Variants in DNER observed in about 807,000 individuals in gnomAD.
DNER encodes the protein delta/notch like EGF repeat containing.
In DNER, 33 loss-of-function variants were observed where a neutral mutation model predicts 78.2. That is an observed-to-expected ratio of 0.42 (90% CI 0.32 to 0.56). DNER has a LOEUF of 0.56. Among genes scored for constraint, DNER ranks in the 20% least tolerant of loss-of-function variants. The pLI is 0.11. For missense variants in DNER, 918 were observed against 975.3 expected (o/e 0.94, Z 0.78); for synonymous variants, 417 against 384.8 (o/e 1.08, Z -0.98).
At chr2:229,704,618 A>G (rs907909093) in intron 1 of DNER, among the ~76,000 whole-genome samples, 2 of 152,250 alleles carry the variant, frequency 1.3e-5, no homozygotes, top group Non-Finnish European at 2.9e-5. Flanking sequence ...GAAAAAATGC[A>G]AAACTATAGT....
chr2:229,622,179 C>T (rs947543465), intron 1 of DNER, among the ~76,000 whole-genome samples: 4 of 152,186 alleles, frequency 2.6e-5, no homozygotes, highest in African/African-American at 9.6e-5. Flanking sequence ...GGCTATAATT[C>T]TCATCAGATT....
intron 11 of DNER, among the ~76,000 whole-genome samples, chr2:229,379,435 C>A (rs1692684430): frequency 6.6e-6 from 1 of 152,136 alleles, no homozygotes; most frequent in South Asian, 2.1e-4. Flanking sequence ...GAGCTTGAAT[C>A]TGAAGTCGAC....
intron 1 of DNER, among the ~76,000 whole-genome samples, chr2:229,644,162 T>C (rs1360375808): frequency 6.6e-6 from 1 of 152,106 alleles, no homozygotes; most frequent in East Asian, 1.9e-4. Flanking sequence ...TTAATTTTTG[T>C]GGGTACCTAG....
At chr2:229,544,170 C>T (rs1270391032) in intron 5 of DNER, among the ~76,000 whole-genome samples, 1 of 152,186 alleles carries the variant, frequency 6.6e-6, no homozygotes, top group Non-Finnish European at 1.5e-5. Flanking sequence ...CACTGAGTGT[C>T]CTTCACATTT....
intron 1 of DNER, among the ~76,000 whole-genome samples, chr2:229,636,321 G>T (rs1340097973): frequency 6.6e-6 from 1 of 152,230 alleles, no homozygotes; most frequent in African/African-American, 2.4e-5. Context: ...TGCAAGCCAA[G>T]CCAGTGGCAC....
chr2:229,534,264 T>C (rs1258642637), intron 5 of DNER, among the ~76,000 whole-genome samples: 1 of 151,414 alleles, frequency 6.6e-6, no homozygotes, highest in East Asian at 1.9e-4. Context: ...TAGATTGTAA[T>C]GAAACAGGCC....
intron 1 of DNER, among the ~76,000 whole-genome samples, chr2:229,681,506 C>T (rs1699386210): frequency 6.6e-6 from 1 of 152,152 alleles, no homozygotes; most frequent in Non-Finnish European, 1.5e-5. Flanking sequence ...CTAGAAAACA[C>T]ATCCAAACTC....
At chr2:229,451,962 A>T (rs1207824389) in intron 7 of DNER, among the ~76,000 whole-genome samples, 1 of 152,226 alleles carries the variant, frequency 6.6e-6, no homozygotes, top group Non-Finnish European at 1.5e-5. Context: ...ATGGGTAACA[A>T]GGAGACATAA....
intron 1 of DNER, among the ~76,000 whole-genome samples, chr2:229,607,135 A>G (rs1486915558): frequency 2.0e-5 from 3 of 152,202 alleles, no homozygotes; most frequent in Non-Finnish European, 4.4e-5. Flanking sequence ...CTGCATGAAT[A>G]TATATTTATG....
chr2:229,697,069 C>A (rs1699673122), intron 1 of DNER, among the ~76,000 whole-genome samples: 1 of 152,120 alleles, frequency 6.6e-6, no homozygotes, highest in African/African-American at 2.4e-5. Flanking sequence ...GCACTATTCA[C>A]AATAGCTAAA....
chr2:229,563,027 A>T (rs1008019566), intron 4 of DNER, among the ~76,000 whole-genome samples: 4 of 146,714 alleles, frequency 2.7e-5, no homozygotes, highest in Admixed American at 2.0e-4. Context: ...CATCATCATC[A>T]TCCTCCTCAC....
intron 1 of DNER, among the ~76,000 whole-genome samples, chr2:229,623,811 A>G (rs1257624224): frequency 2.6e-5 from 4 of 152,202 alleles, no homozygotes; most frequent in African/African-American, 9.7e-5. Context: ...CCCATCCCAG[A>G]GCCAAGGAAC....
At chr2:229,550,686 G>A (rs1453150458) in intron 4 of DNER, among the ~76,000 whole-genome samples, 1 of 152,126 alleles carries the variant, frequency 6.6e-6, no homozygotes, top group African/African-American at 2.4e-5. Flanking sequence ...TGAGGCAGGG[G>A]AATCGCTTGA....
chr2:229,656,687 C>T (rs926333463), intron 1 of DNER, among the ~76,000 whole-genome samples: 3 of 152,174 alleles, frequency 2.0e-5, no homozygotes, highest in Non-Finnish European at 2.9e-5. Context: ...AGCTTCATTC[C>T]ACTCTCACAC....
Position 229,447,295 on chromosome 2 carries a change from C to A in DNER, c.1486+21G>T, listed in dbSNP as rs146809725. On this transcript the variant is annotated intron_variant, in intron 8 of 12. Transcript: ENST00000341772. ...TTGAGATTGAGAAAAGGAAGATGTA[C>A]TGTGTAGGGGCGGTACCCACCTGGA... The A allele has an allele frequency of 1.9e-5, 29 of 1,560,070 alleles. No homozygotes were observed. In the African/African-American group the frequency reaches 3.5e-4, roughly 19 times the overall value.
At chr2:229,575,382 T>C (rs569542439) in intron 4 of DNER, among the ~76,000 whole-genome samples, 66 of 152,344 alleles carry the variant, frequency 4.3e-4, no homozygotes, top group Middle Eastern at 3.4e-3. Context: ...TCTTAGTAAC[T>C]CATGACAGTG....
intron 1 of DNER, among the ~76,000 whole-genome samples, chr2:229,622,935 G>T (rs72991682): frequency 2.0e-5 from 3 of 152,178 alleles, no homozygotes; most frequent in Admixed American, 1.3e-4. Flanking sequence ...AATTACTGTT[G>T]TTTAAGCCAC....
At chr2:229,365,404 G>A (rs1367886374) in intron 12 of DNER, among the ~76,000 whole-genome samples, 1 of 152,164 alleles carries the variant, frequency 6.6e-6, no homozygotes, top group Non-Finnish European at 1.5e-5. Context: ...GAGAAAGGAT[G>A]TGGATATGTG....
intron 1 of DNER, among the ~76,000 whole-genome samples, chr2:229,682,670 A>G (rs1699405215): frequency 1.3e-5 from 2 of 152,176 alleles, no homozygotes; most frequent in South Asian, 4.2e-4. Flanking sequence ...CAACATGGTG[A>G]AACCCCTTTT....
Sources: allele counts gnomAD v4.1 joint callset (sites outside exome capture counted in the v4.1 genomes callset), GRCh38; gene constraint gnomAD v4.1.1; transcripts MANE v1.5; gene names NCBI Gene and HGNC (gene_info 2026-07-23, HGNC 2026-07-21).